Variants in ZNF585B observed in about 807,000 individuals in gnomAD.
ZNF585B encodes zinc finger protein 585B.
ZNF585B carries 7 observed loss-of-function variants against 14.0 expected under a neutral mutation model. The ratio of observed to expected loss-of-function variants is 0.50; its 90% CI spans 0.28 to 0.94. The LOEUF (loss-of-function observed/expected upper bound fraction) is 0.94, where lower values mean the gene tolerates loss of function less well. ZNF585B is among the 40% of genes least tolerant of loss of function. ZNF585B has a pLI of 0.09. For missense variants in ZNF585B, 750 were observed against 924.4 expected (o/e 0.81, Z 2.45); for synonymous variants, 290 against 317.3 (o/e 0.91, Z 0.91).
rs77733118 is a variant in ZNF585B, at chr19:37,181,698, A to C, written c.*3529T>G. The C allele has an allele frequency of 7.0e-6, 1 of 142,312 alleles. No homozygotes were observed. The highest frequency in any genetic ancestry group is 1.5e-5 in the Non-Finnish European group (1 of 66,162). 8.8% of individuals were successfully genotyped at this position (142,312 alleles called of 1,614,324 possible). On this transcript the variant is annotated 3_prime_UTR_variant, in exon 5 of 5. Coordinates refer to ENST00000532828, the MANE Select transcript of ZNF585B (RefSeq NM_152279.4). ...GACAATAGCATATTATTCAATGAGA[A>C]AAAAAAAAAAAAAAGAGCTAGCAAG...
intron 2 of ZNF585B, among the ~76,000 whole-genome samples, chr19:37,203,988 T>C (rs1171045870): frequency 2.0e-5 from 3 of 152,240 alleles, no homozygotes; most frequent in African/African-American, 2.4e-5. Context: ...ATCAATATTA[T>C]AGCAAAGATT....
Position 37,186,535 on chromosome 19 carries a change from G to T in ZNF585B, c.1002C>A (p.Val334=). ...TAATGAGGTTGGAATTATTGCTGAA[G>T]ACCTTCCCATATTCGGTACATATAT... ...KPYICTEYGK[V]FSNNSNLITH... Residue 334 remains valine (V), a synonymous_variant, in exon 5 of 5, where the codon GTC becomes GTA. Transcript: ENST00000532828. 2 of 1,614,184 alleles carry T rather than the reference G, an allele frequency of 1.2e-6. No individual in the cohort carries two copies. The highest frequency in any genetic ancestry group is 4.5e-5 in the East Asian group (2 of 44,880).
intron 4 of ZNF585B, 57 bp from the exon 5 acceptor site, chr19:37,187,301 T>G: frequency 8.1e-7 from 1 of 1,240,434 alleles, no homozygotes; most frequent in Non-Finnish European, 1.1e-6. Context: ...GTTAGTACTC[T>G]TCTTAACATT....
intron 2 of ZNF585B, among the ~76,000 whole-genome samples, chr19:37,204,376 A>T (rs1167365852): frequency 6.6e-6 from 1 of 152,252 alleles, no homozygotes; most frequent in Non-Finnish European, 1.5e-5. Flanking sequence ...GGGCCAGCTA[A>T]TTCATGGTGT....
rs1365346871 is a variant in ZNF585B at position 37,207,106 on chromosome 19, T to G, written c.6A>C (p.Pro2=). The change falls in exon 2 of 5, where the codon CCA becomes CCC. Residue 2 remains proline (P), a synonymous_variant. Coordinates refer to ENST00000532828, the MANE Select transcript of ZNF585B (RefSeq NM_152279.4). The part of the protein sequence containing the change: M[P]ASWTSPQKSS... Reference sequence around the variant, plus strand: ...ATTTCTGGGGTGAGGTCCAACTAGCTGGCATGGCCACACTGGATCTCAACC... The same window carrying G: ...ATTTCTGGGGTGAGGTCCAACTAGCGGGCATGGCCACACTGGATCTCAACC... The G allele has an allele frequency of 2.5e-6, 4 of 1,614,146 alleles. No individual in the cohort carries two copies. In the South Asian group the frequency reaches 4.4e-5, roughly 18 times the overall value.
At chr19:37,199,187 T>G (rs762999567) in intron 2 of ZNF585B, 47 of 490,452 alleles carry the variant, frequency 9.6e-5, no homozygotes, top group Middle Eastern at 5.9e-4. Flanking sequence ...GATGTCATGT[T>G]AGGCTGGAAT....
chr19:37,185,878 G>A lies in ZNF585B; in HGVS notation c.1659C>T (p.His553=), dbSNP rs768878355. 24 of 1,613,408 alleles carry A rather than the reference G, an allele frequency of 1.5e-5. No homozygotes were observed. The Admixed American group carries it at 1.7e-4, about 11-fold the overall frequency. The change falls in exon 5 of 5, where the codon CAC becomes CAT. Residue 553 remains histidine, a synonymous_variant. Coordinates refer to ENST00000532828, the MANE Select transcript of ZNF585B (RefSeq NM_152279.4). The stretch of plus-strand genomic sequence containing the variant: ...TCTGGTTGAAGGCTTTCCCACATTC[G>A]TGGCATTCATACTGTCTCTCTCCAG... The part of the protein sequence containing the change: ...IHTGERQYEC[H]ECGKAFNQKS...
In ZNF585B at chr19:37,184,913, T is replaced by C. The variant is rs1047328; in HGVS notation, c.*314A>G. ...AAACAGGATTATCATTCCCATAATATGATCTTTCTTATGAAGAATTTGGTA... is the reference window on the plus strand; with the variant it reads ...AAACAGGATTATCATTCCCATAATACGATCTTTCTTATGAAGAATTTGGTA... On this transcript the variant is annotated 3_prime_UTR_variant, in exon 5 of 5. Coordinates refer to ENST00000532828, the MANE Select transcript of ZNF585B (RefSeq NM_152279.4). 20 of 457,054 alleles carry C rather than the reference T, an allele frequency of 4.4e-5. No individual in the cohort carries two copies. In the East Asian group the frequency reaches 4.7e-4, roughly 11 times the overall value. The allele number at this position is 457,054 out of a possible 1,614,324, so 28.3% of individuals were successfully genotyped here.
At chr19:37,190,646 A>C (rs985927174) in intron 2 of ZNF585B, among the ~76,000 whole-genome samples, 2 of 149,842 alleles carry the variant, frequency 1.3e-5, no homozygotes, top group Admixed American at 1.3e-4. Context: ...GCTCACTGCA[A>C]CCTCCACCTC....
At chr19:37,207,892 G>C (rs771889277) in intron 1 of ZNF585B, among the ~76,000 whole-genome samples, 2 of 152,074 alleles carry the variant, frequency 1.3e-5, no homozygotes, top group African/African-American at 4.8e-5. Flanking sequence ...TGTGCACACG[G>C]CATTCATTGT....
At chr19:37,200,856 T>C (rs1308168501) in intron 2 of ZNF585B, among the ~76,000 whole-genome samples, 3 of 151,896 alleles carry the variant, frequency 2.0e-5, no homozygotes, top group Admixed American at 1.3e-4. Context: ...TTTGGGAAGC[T>C]GAGGCAGGCG....
intron 2 of ZNF585B, among the ~76,000 whole-genome samples, chr19:37,200,371 G>T (rs1425934065): frequency 1.3e-5 from 2 of 151,368 alleles, no homozygotes; most frequent in East Asian, 3.9e-4. Context: ...CCAATATGGT[G>T]AAATCCTGTC....
rs771553032 is a variant in ZNF585B, at chr19:37,209,490, A to G, written c.-144+951T>C. ...AACAGAAGAAAGGACAGGTGGACAAATAACTTTTCCAATGTGAGTAGTTTA... is the reference window on the plus strand; with the variant it reads ...AACAGAAGAAAGGACAGGTGGACAAGTAACTTTTCCAATGTGAGTAGTTTA... On this transcript the variant is annotated intron_variant, in intron 1 of 4. Transcript: ENST00000532828. Among the ~76,000 whole-genome samples the G allele has an allele frequency of 2.0e-5, 3 of 152,184 alleles. No homozygotes were observed. The South Asian group carries it at 6.2e-4, about 31-fold the overall frequency.
At chr19:37,198,818 T>C (rs1972500730) in intron 2 of ZNF585B, 1 of 410,688 alleles carries the variant, frequency 2.4e-6, no homozygotes, top group African/African-American at 2.1e-5. Flanking sequence ...GATTCAGAGG[T>C]CCTTTGTATA....
intron 2 of ZNF585B, among the ~76,000 whole-genome samples, chr19:37,196,375 A>G (rs1972465454): frequency 6.6e-6 from 1 of 152,224 alleles, no homozygotes; most frequent in Non-Finnish European, 1.5e-5. Context: ...CTAAAGAAAG[A>G]TTATTCCAAA....
Position 37,186,740 on chromosome 19 carries a change from C to T in ZNF585B, c.797G>A (p.Gly266Asp). The change falls in exon 5 of 5, where the codon GGC becomes GAC. Residue 266 changes from glycine to aspartate, a missense_variant. Physicochemically the swap from Gly to Asp is moderately conservative, Grantham distance 94 (BLOSUM62 -1). Transcript: ENST00000532828. ...TTCAATACAGATGTAGGATCTCTCG[C>T]CTGTATGGATTTTCTGATGAATCTT... ...TLKIHQKIHTGERSYICIECG... is the reference protein window; with the variant it reads ...TLKIHQKIHTDERSYICIECG... 1 of 1,614,100 alleles carries T rather than the reference C, an allele frequency of 6.2e-7. No individual in the cohort carries two copies. The highest frequency in any genetic ancestry group is 8.5e-7 in the Non-Finnish European group (1 of 1,180,008).
At chr19:37,202,302 C>G (rs1436351381) in intron 2 of ZNF585B, among the ~76,000 whole-genome samples, 1 of 152,202 alleles carries the variant, frequency 6.6e-6, no homozygotes, top group Non-Finnish European at 1.5e-5. Flanking sequence ...GGCACCCGGC[C>G]TCATCTACTC....
At chr19:37,188,151 A>G (rs1392673629) in intron 4 of ZNF585B, among the ~76,000 whole-genome samples, 1 of 152,194 alleles carries the variant, frequency 6.6e-6, no homozygotes, top group Non-Finnish European at 1.5e-5. Flanking sequence ...CAATGATTAA[A>G]CTCAAACCTC....
At position 37,186,829 on chromosome 19, in the gene ZNF585B, A is replaced by G; in HGVS notation, c.708T>C (p.His236=). The change falls in exon 5 of 5, where the codon CAT becomes CAC. Residue 236 remains histidine, a synonymous_variant. Coordinates refer to ENST00000532828, the MANE Select transcript of ZNF585B (RefSeq NM_152279.4). ...NSDLSIHEKI[H]TGERHHECTD... is the part of the protein sequence containing the mutation. ...TGCATTCATGGTGTCTCTCTCCAGT[A>G]TGAATTTTCTCATGTATACTGAGAT... 6.2e-7 allele frequency: 1 copy of G among 1,614,016 alleles called. No individual in the cohort carries two copies. The highest frequency in any genetic ancestry group is 1.1e-5 in the South Asian group (1 of 91,084).
Sources: gnomAD v4.1 joint callset for allele counts (sites outside exome capture counted in the v4.1 genomes callset) on GRCh38, gnomAD v4.1.1 for gene constraint, MANE v1.5 for transcripts, NCBI Gene and HGNC (gene_info 2026-07-23, HGNC 2026-07-21) for gene names.